The following GALNT1 variants were observed in gnomAD, a reference collection of about 807,000 sequenced individuals.
The protein encoded by GALNT1 is GalNAc transferase 1.
A neutral mutation model predicts 65.7 loss-of-function variants in GALNT1; 17 were observed. The observed-to-expected ratio is 0.26, with a 90% confidence interval of 0.18 to 0.39. The LOEUF is 0.39. Ranked by LOEUF, GALNT1 falls within the 10% of genes least tolerant of loss-of-function variation. GALNT1 has a pLI of 1.00. For synonymous variants in GALNT1, 210 were observed against 219.7 expected (o/e 0.96, Z 0.39); for missense variants, 460 against 672.8 (o/e 0.68, Z 3.50).
chr18:35,694,480 T>C (rs942063866), intron 9 of GALNT1, among the ~76,000 whole-genome samples: 1 of 152,222 alleles, frequency 6.6e-6, no homozygotes, highest in African/African-American at 2.4e-5. Flanking sequence ...TTGGTGTGAA[T>C]GTAAAATGGT....
intron 1 of GALNT1, among the ~76,000 whole-genome samples, chr18:35,641,355 G>C (rs1473276837): frequency 6.6e-6 from 1 of 152,098 alleles, no homozygotes; most frequent in Non-Finnish European, 1.5e-5. Context: ...AAGTGGGAAG[G>C]ATTCATTGAG....
Position 35,710,465 on chromosome 18 carries a change from AT to A in GALNT1, c.*697del, listed in dbSNP as rs2048335498. 6.6e-6 allele frequency: 1 copy of A among 151,744 alleles called. No homozygotes were observed. Among genetic ancestry groups the A allele is most frequent in the African/African-American group, 2.4e-5 (1 of 41,188 alleles). The allele number at this position is 151,744 out of a possible 1,614,324, so 9.4% of individuals were successfully genotyped here. A position where few individuals can be genotyped will look rare whatever the true frequency, so the allele number is the denominator to read the frequency against. On this transcript the variant is annotated 3_prime_UTR_variant, in exon 12 of 12. Coordinates refer to ENST00000269195, the MANE Select transcript of GALNT1 (RefSeq NM_020474.4). ...CTTTTATTTTCCTTGGGGTGCTGAA[AT>A]TGAGCTGAAAAAAAAAGGCTCTTTG...
intron 1 of GALNT1, among the ~76,000 whole-genome samples, chr18:35,589,739 A>T (rs1284560527): frequency 6.6e-6 from 1 of 152,230 alleles, no homozygotes; most frequent in Non-Finnish European, 1.5e-5. Context: ...CATCTGCTTC[A>T]TCTTCCTGGA....
At chr18:35,669,160 G>C (rs1280383642) in intron 3 of GALNT1, among the ~76,000 whole-genome samples, 1 of 152,202 alleles carries the variant, frequency 6.6e-6, no homozygotes, top group African/African-American at 2.4e-5. Flanking sequence ...AGAATGGCAT[G>C]AGCCGGGGAG....
At chr18:35,581,972 G>C (rs2046327286) in intron 1 of GALNT1, 110 bp downstream of exon 1, 1 of 151,912 alleles carries the variant, frequency 6.6e-6, no homozygotes, top group African/African-American at 2.4e-5. Context: ...CTTTGTGGCC[G>C]GCGCTGCCTG....
rs917933543 is a variant in GALNT1, at chr18:35,692,129, G to A, written c.1160-52G>A. The A allele has an allele frequency of 2.2e-5, 32 of 1,482,406 alleles. No homozygotes were observed. The Middle Eastern group carries it at 7.1e-4, about 33-fold the overall frequency. The allele number at this position is 1,482,406 out of a possible 1,614,324, so 91.8% of individuals were successfully genotyped here. Reference sequence around the variant, plus strand: ...CTTATTAGATTCAATATATAAACATGTGTTACCTAAAACAACACTAATAAT... The same window carrying A: ...CTTATTAGATTCAATATATAAACATATGTTACCTAAAACAACACTAATAAT... On this transcript the variant is annotated intron_variant, in intron 8 of 11. Transcript: ENST00000269195.
At chr18:35,584,920 G>C (rs1314733497) in intron 1 of GALNT1, among the ~76,000 whole-genome samples, 1 of 152,232 alleles carries the variant, frequency 6.6e-6, no homozygotes, top group Non-Finnish European at 1.5e-5. Context: ...TGGCTTGGGG[G>C]TTGGGGACCC....
intron 3 of GALNT1, among the ~76,000 whole-genome samples, chr18:35,674,054 C>G (rs2047671636): frequency 6.6e-6 from 1 of 152,064 alleles, no homozygotes; most frequent in Non-Finnish European, 1.5e-5. Context: ...TGTATCTAAA[C>G]ATAGAAAAGA....
intron 1 of GALNT1, among the ~76,000 whole-genome samples, chr18:35,620,974 A>C (rs2046844234): frequency 6.6e-6 from 1 of 152,146 alleles, no homozygotes; most frequent in East Asian, 1.9e-4. Flanking sequence ...TTGGAACAAC[A>C]GTGTGTGAGT....
intron 9 of GALNT1, among the ~76,000 whole-genome samples, chr18:35,692,916 T>C (rs1029180170): frequency 6.6e-6 from 1 of 152,194 alleles, no homozygotes; most frequent in Non-Finnish European, 1.5e-5. Context: ...CTTCAGTCCT[T>C]TCATTCATTC....
At chr18:35,625,352 G>C (rs1447495303) in intron 1 of GALNT1, among the ~76,000 whole-genome samples, 1 of 152,010 alleles carries the variant, frequency 6.6e-6, no homozygotes, top group Non-Finnish European at 1.5e-5. Context: ...TTCAAAGCAT[G>C]GTCAGAAAAG....
intron 1 of GALNT1, among the ~76,000 whole-genome samples, chr18:35,653,829 G>A (rs1352245899): frequency 6.6e-6 from 1 of 152,200 alleles, no homozygotes; most frequent in East Asian, 1.9e-4. Context: ...AAAAATCAGG[G>A]AAGTGTATAA....
At chr18:35,590,638 T>C (rs1204329964) in intron 1 of GALNT1, among the ~76,000 whole-genome samples, 1 of 152,244 alleles carries the variant, frequency 6.6e-6, no homozygotes, top group Non-Finnish European at 1.5e-5. Context: ...CTACACATTA[T>C]GTTTTATAAT....
chr18:35,703,464 A>G, intron 10 of GALNT1, 45 bp from the exon 11 acceptor site: 2 of 1,575,604 alleles, frequency 1.3e-6, no homozygotes, highest in Admixed American at 1.7e-5. Flanking sequence ...TAAAATGCTG[A>G]CTAATTTATT....
intron 11 of GALNT1, among the ~76,000 whole-genome samples, chr18:35,705,655 C>T (rs2048244439): frequency 6.6e-6 from 1 of 150,814 alleles, no homozygotes; most frequent in Admixed American, 6.6e-5. Flanking sequence ...ATTGTGACAA[C>T]CACAAAATTT....
rs540404819 is a variant in GALNT1 at position 35,621,384 on chromosome 18, G to C, written c.-103-33176G>C. ...TACTTTTTGCTTTTTGTAGAGATGCGGTCTTCCTATGTTGCCCAGGCTGGT... is the reference window on the plus strand; with the variant it reads ...TACTTTTTGCTTTTTGTAGAGATGCCGTCTTCCTATGTTGCCCAGGCTGGT... On this transcript the variant is annotated intron_variant, in intron 1 of 11. Coordinates refer to ENST00000269195, the MANE Select transcript of GALNT1 (RefSeq NM_020474.4). Among the ~76,000 whole-genome samples the C allele has an allele frequency of 4.8e-4, 70 of 146,878 alleles. 6 individuals carry two copies. The highest frequency in any genetic ancestry group is 7.0e-3 in the Middle Eastern group (2 of 286).
intron 1 of GALNT1, among the ~76,000 whole-genome samples, chr18:35,600,212 GT>G (rs2046563912): frequency 6.6e-6 from 1 of 152,028 alleles, no homozygotes; most frequent in Non-Finnish European, 1.5e-5. Context: ...GTGTTTTATA[GT>G]TTTCCTTGTA....
chr18:35,703,722 G>T lies in GALNT1; in HGVS notation c.1533+79G>T. On this transcript the variant is annotated intron_variant, in intron 11 of 11. Coordinates refer to ENST00000269195, the MANE Select transcript of GALNT1 (RefSeq NM_020474.4). ...TTATATACTTTATATCTAAAGGAATGAGTTCTTGTGGACCTTGAATATGGA... is the reference window on the plus strand; with the variant it reads ...TTATATACTTTATATCTAAAGGAATTAGTTCTTGTGGACCTTGAATATGGA... 4 of 1,398,292 alleles carry T rather than the reference G, an allele frequency of 2.9e-6. No individual in the cohort carries two copies. In the Middle Eastern group the frequency reaches 5.5e-4, roughly 193 times the overall value. 86.6% of individuals were successfully genotyped at this position (1,398,292 alleles called of 1,614,324 possible).
At chr18:35,661,261 G>A (rs1234988083) in intron 2 of GALNT1, among the ~76,000 whole-genome samples, 1 of 152,130 alleles carries the variant, frequency 6.6e-6, no homozygotes, top group Non-Finnish European at 1.5e-5. Context: ...CACTTTGGGA[G>A]GCCAAGGTGG....
Sources: allele counts gnomAD v4.1 joint callset (sites outside exome capture counted in the v4.1 genomes callset), GRCh38; gene constraint gnomAD v4.1.1; transcripts MANE v1.5; gene names NCBI Gene and HGNC (gene_info 2026-07-23, HGNC 2026-07-21).